Variants in PLAAT5 observed in about 807,000 individuals in gnomAD.
PLAAT5 encodes the protein phospholipase A and acyltransferase 5, also known as Ca(2+)-independent N-acyltransferase.
In PLAAT5, 27 loss-of-function variants were observed where a neutral mutation model predicts 27.8. That is an observed-to-expected ratio of 0.97 (90% CI 0.72 to 1.34). The LOEUF (loss-of-function observed/expected upper bound fraction) is 1.34, where lower values mean the gene tolerates loss of function less well. Among genes scored for constraint, PLAAT5 ranks in the 40% most tolerant of loss-of-function variants. The pLI, the probability that PLAAT5 is intolerant of heterozygous loss-of-function variation, is 0.00. For synonymous variants in PLAAT5, 125 were observed against 136.1 expected (o/e 0.92, Z 0.57); for missense variants, 368 against 343.8 (o/e 1.07, Z -0.56).
intron 3 of PLAAT5, among the ~76,000 whole-genome samples, chr11:63,483,047 G>A (rs57819251): frequency 0.024 from 3,720 of 152,184 alleles, 150 homozygotes; most frequent in African/African-American, 0.086. Context: ...CAGTCCAACA[G>A]GAAAATATCA....
chr11:63,469,145 T>TGTGTGA (rs377110717), intron 3 of PLAAT5, among the ~76,000 whole-genome samples: 1,721 of 122,680 alleles, frequency 0.014, 37 homozygotes, highest in African/African-American at 0.046. Flanking sequence ...TGTGTGTGTG[T>TGTGTGA]GAGAGAGAGA....
Position 63,462,774 on chromosome 11 carries a change from A to G in PLAAT5, c.*729T>C, listed in dbSNP as rs1268091951. Reference sequence around the variant, plus strand: ...TAGAGTTCAATTGATTAAACTTATCAAATTATTTTAAATATTCATCTGAAA... The same window carrying G: ...TAGAGTTCAATTGATTAAACTTATCGAATTATTTTAAATATTCATCTGAAA... On this transcript the variant is annotated 3_prime_UTR_variant, in exon 6 of 6. Coordinates refer to ENST00000540857, the MANE Select transcript of PLAAT5 (RefSeq NM_001146729.2). 1 of 152,214 alleles carries G rather than the reference A, an allele frequency of 6.6e-6. No homozygotes were observed. The highest frequency in any genetic ancestry group is 2.1e-4 in the South Asian group (1 of 4,832). 9.4% of individuals were successfully genotyped at this position (152,214 alleles called of 1,614,324 possible).
chr11:63,481,894 C>T (rs2016294717), intron 3 of PLAAT5, among the ~76,000 whole-genome samples: 2 of 151,988 alleles, frequency 1.3e-5, no homozygotes, highest in South Asian at 4.2e-4. Context: ...CATCACACAC[C>T]AGGGACTGTT....
intron 3 of PLAAT5, among the ~76,000 whole-genome samples, chr11:63,488,457 T>G (rs1349950980): frequency 6.6e-6 from 1 of 152,142 alleles, no homozygotes; most frequent in Non-Finnish European, 1.5e-5. Context: ...AATTGTATAT[T>G]TTAGATATGT....
rs569381476 is a variant in PLAAT5 at position 63,481,285 on chromosome 11, C to T, written c.345+7586G>A. ...CAAAACCCCTCCTCTACTAAAACTACAAAAATTAGTGAGACATGGTGGCAC... is the reference window on the plus strand; with the variant it reads ...CAAAACCCCTCCTCTACTAAAACTATAAAAATTAGTGAGACATGGTGGCAC... On this transcript the variant is annotated intron_variant, in intron 3 of 5. Coordinates refer to ENST00000540857, the MANE Select transcript of PLAAT5 (RefSeq NM_001146729.2). Among the ~76,000 whole-genome samples, 71 of 152,226 alleles carry T rather than the reference C, an allele frequency of 4.7e-4. 1 individual carries two copies. In the South Asian group the frequency reaches 0.014, roughly 31 times the overall value.
rs1216562528 is a variant in PLAAT5, at chr11:63,490,939, G to A, written c.96C>T (p.Thr32=). 1 of 1,601,354 alleles carries A rather than the reference G, an allele frequency of 6.2e-7. No individual in the cohort carries two copies. Among genetic ancestry groups the A allele is most frequent in the South Asian group, 1.1e-5 (1 of 89,462 alleles). Residue 32 remains threonine (T), a synonymous_variant, in exon 1 of 6, where the codon ACC becomes ACT. Coordinates refer to ENST00000540857, the MANE Select transcript of PLAAT5 (RefSeq NM_001146729.2). ...GCGCAGGCGGCTGGTCCTTGGGCCCGGTACTGGCGGTTCGCGAGGCGGGTT... is the reference window on the plus strand; with the variant it reads ...GCGCAGGCGGCTGGTCCTTGGGCCCAGTACTGGCGGTTCGCGAGGCGGGTT... ...LPKPASRTAS[T]GPKDQPPALR...
chr11:63,487,559 A>G (rs980626458), intron 3 of PLAAT5, among the ~76,000 whole-genome samples: 3 of 152,188 alleles, frequency 2.0e-5, no homozygotes, highest in Admixed American at 2.0e-4. Flanking sequence ...GAAAGCCCCA[A>G]AAAAGAAAAA....
chr11:63,483,840 T>TATAC (rs1175304643), intron 3 of PLAAT5, among the ~76,000 whole-genome samples: 2 of 102,994 alleles, frequency 1.9e-5, no homozygotes, highest in Admixed American at 1.1e-4. Flanking sequence ...TATATATATA[T>TATAC]ATACACATAT....
At position 63,490,873 on chromosome 11, in the gene PLAAT5, T is replaced by TG; in HGVS notation, c.148+13_148+14insC. 6.3e-7 allele frequency: 1 copy of TG among 1,596,972 alleles called. No homozygotes were observed. The highest frequency in any genetic ancestry group is 8.5e-7 in the Non-Finnish European group (1 of 1,172,512). ...AATTGCGGATTGTCCTTCAGCCGCATTCTTGGGGCTGACCTGAGTGGGGCA... is the reference window on the plus strand; with the variant it reads ...AATTGCGGATTGTCCTTCAGCCGCATGTCTTGGGGCTGACCTGAGTGGGGCA... On this transcript the variant is annotated intron_variant, in intron 1 of 5. Coordinates refer to ENST00000540857, the MANE Select transcript of PLAAT5 (RefSeq NM_001146729.2).
intron 3 of PLAAT5, among the ~76,000 whole-genome samples, chr11:63,486,514 C>T (rs931648135): frequency 6.6e-6 from 1 of 152,068 alleles, no homozygotes; most frequent in Non-Finnish European, 1.5e-5. Flanking sequence ...TCACAGCAAC[C>T]TGGATAGAGC....
intron 3 of PLAAT5, among the ~76,000 whole-genome samples, chr11:63,473,700 T>G (rs575467814): frequency 1.3e-5 from 2 of 148,238 alleles, no homozygotes; most frequent in African/African-American, 5.3e-5. Flanking sequence ...ATGATATTTT[T>G]TTGTTGTTTT....
chr11:63,466,171 A>G lies in PLAAT5; in HGVS notation c.656T>C (p.Ile219Thr), dbSNP rs1329848564. Residue 219 changes from isoleucine (I) to threonine (T), a missense_variant, in exon 5 of 6, where the codon ATT becomes ACT. Coordinates refer to ENST00000540857, the MANE Select transcript of PLAAT5 (RefSeq NM_001146729.2). ...MVNKIVQYSL[I>T]EGNCEHFVNG... Reference sequence around the variant, plus strand: ...GACAAAGTGCTCACAGTTCCCTTCAATCAGGCTGTACTGCACGATCTTGTT... The same window carrying G: ...GACAAAGTGCTCACAGTTCCCTTCAGTCAGGCTGTACTGCACGATCTTGTT... 5.6e-6 allele frequency: 9 copies of G among 1,614,002 alleles called. No homozygotes were observed. Among genetic ancestry groups the G allele is most frequent in the East Asian group, 2.2e-5 (1 of 44,894 alleles).
chr11:63,481,231 G>C (rs957307390), intron 3 of PLAAT5, among the ~76,000 whole-genome samples: 1 of 152,170 alleles, frequency 6.6e-6, no homozygotes, highest in Non-Finnish European at 1.5e-5. Flanking sequence ...CCTGAGCTCA[G>C]GCGTTCAAGA....
chr11:63,463,966 G>A (rs1179741177), intron 5 of PLAAT5, among the ~76,000 whole-genome samples: 2 of 152,194 alleles, frequency 1.3e-5, no homozygotes, highest in Non-Finnish European at 2.9e-5. Context: ...GTGAATTCAT[G>A]TCCAAACTTA....
chr11:63,470,148 C>T (rs2120241314), intron 3 of PLAAT5: 1 of 153,982 alleles, frequency 6.5e-6, no homozygotes. Flanking sequence ...AACTCAACAT[C>T]AGAGAAGTCA....
chr11:63,474,682 T>C (rs2016111762), intron 3 of PLAAT5, among the ~76,000 whole-genome samples: 1 of 152,030 alleles, frequency 6.6e-6, no homozygotes, highest in Non-Finnish European at 1.5e-5. Context: ...CCAGTTGTTA[T>C]CATTTTCTTA....
intron 3 of PLAAT5, among the ~76,000 whole-genome samples, chr11:63,474,975 T>A (rs73488071): frequency 0.012 from 1,805 of 152,230 alleles, 34 homozygotes; most frequent in African/African-American, 0.041. Context: ...AAATATCACT[T>A]GGCTATTAAT....
At position 63,468,356 on chromosome 11, in the gene PLAAT5, C is replaced by T; in HGVS notation, c.454+1G>A. Reference sequence around the variant, plus strand: ...TATTTCAATAGACTATTCACTCTTACTTGGGGGAGCCAGATGGACCACGCA... The same window carrying T: ...TATTTCAATAGACTATTCACTCTTATTTGGGGGAGCCAGATGGACCACGCA... On this transcript the variant is annotated splice_donor_variant, in intron 4 of 5. Coordinates refer to ENST00000540857, the MANE Select transcript of PLAAT5 (RefSeq NM_001146729.2). LOFTEE classifies it high-confidence loss of function. 3 of 1,606,308 alleles carry T rather than the reference C, an allele frequency of 1.9e-6. No individual in the cohort carries two copies. Among genetic ancestry groups the T allele is most frequent in the South Asian group, 1.1e-5 (1 of 90,872 alleles).
chr11:63,475,299 A>G (rs1182424067), intron 3 of PLAAT5, among the ~76,000 whole-genome samples: 1 of 151,814 alleles, frequency 6.6e-6, no homozygotes, highest in African/African-American at 2.4e-5. Context: ...TATTTCTATC[A>G]GTTTTTGCTT....
Sources: gnomAD v4.1 joint callset for allele counts (sites outside exome capture counted in the v4.1 genomes callset) on GRCh38, gnomAD v4.1.1 for gene constraint, MANE v1.5 for transcripts, NCBI Gene and HGNC (gene_info 2026-07-23, HGNC 2026-07-21) for gene names.